Variants in MCHR2 observed in about 807,000 individuals in gnomAD.
The protein encoded by MCHR2 is melanin concentrating hormone receptor 2, also known as melanin-concentrating hormone receptor 2.
A neutral mutation model predicts 24.8 loss-of-function variants in MCHR2; 15 were observed. The ratio of observed to expected loss-of-function variants is 0.60; its 90% CI spans 0.40 to 0.93. MCHR2 has a LOEUF of 0.93. Among genes scored for constraint, MCHR2 ranks in the 40% least tolerant of loss-of-function variants. MCHR2 has a pLI of 0.00. For synonymous variants in MCHR2, 151 were observed against 147.6 expected (o/e 1.02, Z -0.17); for missense variants, 386 against 408.7 (o/e 0.94, Z 0.48).
chr6:99,967,397 G>A (rs1159461078), intron 1 of MCHR2, among the ~76,000 whole-genome samples: 2 of 152,112 alleles, frequency 1.3e-5, no homozygotes, highest in South Asian at 4.1e-4. Context: ...AAAAATGTAT[G>A]GCAAAGAGGA....
intron 5 of MCHR2, among the ~76,000 whole-genome samples, chr6:99,921,461 T>C (rs928731106): frequency 2.6e-5 from 4 of 152,200 alleles, no homozygotes; most frequent in African/African-American, 9.7e-5. Context: ...GCTGGAACTT[T>C]TTTTCGTTGT....
At chr6:99,991,415 G>T (rs1176128965) in intron 1 of MCHR2, among the ~76,000 whole-genome samples, 1 of 152,192 alleles carries the variant, frequency 6.6e-6, no homozygotes, top group Non-Finnish European at 1.5e-5. Flanking sequence ...TTAGCAGTGT[G>T]ACTTTAGGTA....
chr6:99,973,216 C>T (rs1219254598), intron 1 of MCHR2, among the ~76,000 whole-genome samples: 1 of 151,740 alleles, frequency 6.6e-6, no homozygotes, highest in Non-Finnish European at 1.5e-5. Context: ...TTGTAGGTCA[C>T]TCAGGACTTG....
chr6:99,943,312 A>AT (rs558046070), intron 3 of MCHR2, among the ~76,000 whole-genome samples, 169 bp from the exon 4 acceptor site: 1 of 150,008 alleles, frequency 6.7e-6, no homozygotes, highest in South Asian at 2.1e-4. Context: ...ATTTTTATTT[A>AT]TTTTTTTAAA....
At chr6:99,988,174 A>T (rs1003005298) in intron 1 of MCHR2, among the ~76,000 whole-genome samples, 5 of 152,224 alleles carry the variant, frequency 3.3e-5, no homozygotes, top group African/African-American at 1.2e-4. Context: ...TAAACATAAC[A>T]GTGAAGTCCA....
In MCHR2 at chr6:99,934,603, A is replaced by G; in HGVS notation, c.588-86T>C. The G allele has an allele frequency of 3.3e-6, 4 of 1,221,968 alleles. No homozygotes were observed. The Admixed American group carries it at 1.3e-4, about 40-fold the overall frequency. The allele number at this position is 1,221,968 out of a possible 1,614,324, so 75.7% of individuals were successfully genotyped here. Reference sequence around the variant, plus strand: ...TAGGAATTGGCTTTTGCAGTTTCCGAGGCATAATTCTTTCATTTTTCAGGG... The same window carrying G: ...TAGGAATTGGCTTTTGCAGTTTCCGGGGCATAATTCTTTCATTTTTCAGGG... On this transcript the variant is annotated intron_variant, in intron 4 of 5. Coordinates refer to ENST00000281806, the MANE Select transcript of MCHR2 (RefSeq NM_001040179.2).
intron 5 of MCHR2, among the ~76,000 whole-genome samples, chr6:99,927,188 G>A (rs1481795156): frequency 3.9e-5 from 6 of 152,048 alleles, no homozygotes; most frequent in Admixed American, 1.3e-4. Context: ...CTGTTCCATT[G>A]ATCTATATCT....
At chr6:99,973,009 T>G (rs1319052313) in intron 1 of MCHR2, among the ~76,000 whole-genome samples, 3 of 152,062 alleles carry the variant, frequency 2.0e-5, no homozygotes, top group African/African-American at 7.2e-5. Flanking sequence ...GAATAGGTGT[T>G]GTGTGGTGCT....
intron 4 of MCHR2, among the ~76,000 whole-genome samples, chr6:99,938,711 A>G (rs889576669): frequency 1.2e-4 from 19 of 152,042 alleles, no homozygotes; most frequent in African/African-American, 4.3e-4. Context: ...TATTAGGTCT[A>G]GTGTGTAGTT....
At chr6:99,948,119 T>A (rs898815224) in intron 2 of MCHR2, 148 bp from the exon 3 acceptor site, 1 of 655,578 alleles carries the variant, frequency 1.5e-6, no homozygotes, top group Non-Finnish European at 2.6e-6. Context: ...ATGCCTAGTC[T>A]TGTGTGTATT....
At chr6:99,962,871 A>T (rs1394243592) in intron 1 of MCHR2, among the ~76,000 whole-genome samples, 1 of 152,158 alleles carries the variant, frequency 6.6e-6, no homozygotes, top group Admixed American at 6.6e-5. Flanking sequence ...CAAATTATAG[A>T]AGGAACTCCT....
At chr6:99,967,138 T>G (rs1775309533) in intron 1 of MCHR2, among the ~76,000 whole-genome samples, 2 of 151,072 alleles carry the variant, frequency 1.3e-5, no homozygotes, top group African/African-American at 2.4e-5. Flanking sequence ...TTAAGTCTTT[T>G]GGTAGCAAGA....
At chr6:99,978,409 A>G (rs1222914037) in intron 1 of MCHR2, among the ~76,000 whole-genome samples, 1 of 140,264 alleles carries the variant, frequency 7.1e-6, no homozygotes, top group Non-Finnish European at 1.5e-5. Context: ...AGGCTATGGG[A>G]GGTCAAGACA....
At chr6:99,966,877 C>T (rs1168172647) in intron 1 of MCHR2, among the ~76,000 whole-genome samples, 1 of 151,792 alleles carries the variant, frequency 6.6e-6, no homozygotes, top group Non-Finnish European at 1.5e-5. Context: ...GAAAACTCCC[C>T]CTAATTTTAT....
chr6:99,935,845 C>T (rs988504999), intron 4 of MCHR2, among the ~76,000 whole-genome samples: 5 of 151,844 alleles, frequency 3.3e-5, no homozygotes, highest in Admixed American at 6.6e-5. Context: ...TTGTTCACAT[C>T]CTTGTCAGCA....
chr6:99,968,065 G>T (rs1775327120), intron 1 of MCHR2, among the ~76,000 whole-genome samples: 1 of 152,088 alleles, frequency 6.6e-6, no homozygotes, highest in South Asian at 2.1e-4. Flanking sequence ...AAAGTATTGA[G>T]AATAATGTAT....
rs199617652 is a variant in MCHR2, at chr6:99,920,223, G to C, written c.*717C>G. ...AAGCAAAAGAAACTCCAAGTTACTG[G>C]GTTCTCCAGTATGATAAGTAAAGGT... On this transcript the variant is annotated 3_prime_UTR_variant, in exon 6 of 6. Coordinates refer to ENST00000281806, the MANE Select transcript of MCHR2 (RefSeq NM_001040179.2). 1 of 152,144 alleles carries C rather than the reference G, an allele frequency of 6.6e-6. No homozygotes were observed. The highest frequency in any genetic ancestry group is 1.5e-5 in the Non-Finnish European group (1 of 68,036). The allele number at this position is 152,144 out of a possible 1,614,324, so 9.4% of individuals were successfully genotyped here. A position where few individuals can be genotyped will look rare whatever the true frequency, so the allele number is the denominator to read the frequency against.
intron 1 of MCHR2, among the ~76,000 whole-genome samples, chr6:99,977,995 G>A (rs1222169158): frequency 6.6e-6 from 1 of 152,110 alleles, no homozygotes; most frequent in African/African-American, 2.4e-5. Context: ...TTATACCCAC[G>A]AAGTGAGCAG....
At chr6:99,929,501 G>A (rs989464820) in intron 5 of MCHR2, among the ~76,000 whole-genome samples, 1 of 152,124 alleles carries the variant, frequency 6.6e-6, no homozygotes, top group Non-Finnish European at 1.5e-5. Flanking sequence ...CTCAGGACTT[G>A]CTTTATGAAT....
Sources: allele counts gnomAD v4.1 joint callset (sites outside exome capture counted in the v4.1 genomes callset), GRCh38; gene constraint gnomAD v4.1.1; transcripts MANE v1.5; gene names NCBI Gene and HGNC (gene_info 2026-07-23, HGNC 2026-07-21).